Variants in TAS2R1 observed in about 807,000 individuals in gnomAD.
TAS2R1 encodes the protein taste receptor type 2 member 1.
For missense variants in TAS2R1, 370 were observed against 353.4 expected (o/e 1.05, Z -0.38); for synonymous variants, 141 against 134.2 (o/e 1.05, Z -0.35).
chr5:9,810,392 G>A, the TAS2R1 span, among the ~76,000 whole-genome samples: 2 of 152,164 alleles, frequency 1.3e-5, no homozygotes, highest in South Asian at 2.1e-4. Flanking sequence ...CCACGCTTGG[G>A]ATTTTCTCCA....
At chr5:9,834,202 G>A in the TAS2R1 span, among the ~76,000 whole-genome samples, 15 of 152,216 alleles carry the variant, frequency 9.9e-5, no homozygotes, top group African/African-American at 1.9e-4. Context: ...GGAGCTGGGC[G>A]CACTGACTTG....
chr5:9,872,723 A>C, the TAS2R1 span, among the ~76,000 whole-genome samples: 1 of 152,224 alleles, frequency 6.6e-6, no homozygotes, highest in Non-Finnish European at 1.5e-5. Flanking sequence ...CTTTAGGTAG[A>C]TTAATAGTTT....
the TAS2R1 span, among the ~76,000 whole-genome samples, chr5:9,818,862 A>G: frequency 6.6e-6 from 1 of 152,342 alleles, no homozygotes; most frequent in East Asian, 1.9e-4. Context: ...ACCGCCACAC[A>G]GCCCCAACAA....
chr5:9,635,858 T>C (rs1739954198), intron 2 of TAS2R1, among the ~76,000 whole-genome samples: 1 of 152,118 alleles, frequency 6.6e-6, no homozygotes, highest in South Asian at 2.1e-4. Context: ...TAATGGTCTA[T>C]CAATTTTGTT....
intron 2 of TAS2R1, chr5:9,641,404 T>G (rs1740082423): frequency 6.6e-6 from 1 of 152,184 alleles, no homozygotes; most frequent in African/African-American, 2.4e-5. Flanking sequence ...GTGCTACATT[T>G]TTTTCATTAC....
the TAS2R1 span, among the ~76,000 whole-genome samples, chr5:9,781,154 T>G: frequency 6.6e-6 from 1 of 152,284 alleles, no homozygotes. Flanking sequence ...CAAATTGTTT[T>G]GTGTATCCAC....
the TAS2R1 span, among the ~76,000 whole-genome samples, chr5:9,745,214 G>A: frequency 6.6e-6 from 1 of 152,160 alleles, no homozygotes; most frequent in Non-Finnish European, 1.5e-5. Flanking sequence ...AATATTGACA[G>A]GAGTTGGCAA....
chr5:9,884,694 A>C, the TAS2R1 span, among the ~76,000 whole-genome samples: 1 of 152,186 alleles, frequency 6.6e-6, no homozygotes, highest in Non-Finnish European at 1.5e-5. Flanking sequence ...AACCATTATT[A>C]TGCTGTCAGA....
chr5:9,838,486 C>T, the TAS2R1 span, among the ~76,000 whole-genome samples: 10,245 of 152,170 alleles, frequency 0.067, 813 homozygotes, highest in East Asian at 0.23. Context: ...CCCTGATATG[C>T]GAAGAAAAAG....
intron 1 of TAS2R1, among the ~76,000 whole-genome samples, chr5:9,681,963 T>C (rs1416767710): frequency 6.6e-6 from 1 of 152,208 alleles, no homozygotes. Flanking sequence ...CATGGTTCTC[T>C]GGTTGTTTTA....
chr5:9,683,117 A>G (rs895606414), intron 1 of TAS2R1, among the ~76,000 whole-genome samples: 2 of 152,266 alleles, frequency 1.3e-5, no homozygotes, highest in African/African-American at 4.8e-5. Context: ...ATTGAATACT[A>G]CAAAACTTGT....
intron 2 of TAS2R1, among the ~76,000 whole-genome samples, chr5:9,637,643 C>A (rs959765244): frequency 6.6e-6 from 1 of 151,878 alleles, no homozygotes; most frequent in Non-Finnish European, 1.5e-5. Flanking sequence ...TTTTTCTTTG[C>A]CTTTTTCTGA....
chr5:9,685,428 A>G (rs1229219129), intron 1 of TAS2R1, among the ~76,000 whole-genome samples: 3 of 152,178 alleles, frequency 2.0e-5, no homozygotes, highest in Non-Finnish European at 4.4e-5. Context: ...TTATAATAAC[A>G]ATTATATACT....
intron 1 of TAS2R1, among the ~76,000 whole-genome samples, chr5:9,674,170 A>G (rs921169867): frequency 1.3e-5 from 2 of 152,148 alleles, no homozygotes; most frequent in South Asian, 4.2e-4. Flanking sequence ...AGACCCAATA[A>G]CTGTATTTTA....
chr5:9,757,016 T>C, the TAS2R1 span, among the ~76,000 whole-genome samples: 11 of 152,220 alleles, frequency 7.2e-5, no homozygotes, highest in Non-Finnish European at 1.5e-4. Flanking sequence ...AAAATGGTTC[T>C]GGTAGGCACA....
the TAS2R1 span, among the ~76,000 whole-genome samples, chr5:9,823,783 G>C: frequency 6.6e-6 from 1 of 152,178 alleles, no homozygotes; most frequent in Non-Finnish European, 1.5e-5. Context: ...TTTGGGTACA[G>C]TTTCAACCCA....
intron 2 of TAS2R1, among the ~76,000 whole-genome samples, chr5:9,649,489 T>C (rs1224332548): frequency 6.6e-6 from 1 of 152,190 alleles, no homozygotes; most frequent in African/African-American, 2.4e-5. Flanking sequence ...CTTTTCAAAA[T>C]ACTCCTGAGC....
At chr5:9,875,898 G>T in the TAS2R1 span, among the ~76,000 whole-genome samples, 3 of 152,170 alleles carry the variant, frequency 2.0e-5, no homozygotes, top group East Asian at 5.8e-4. Context: ...AATCTCTTAG[G>T]TGCTTTCTCA....
the TAS2R1 span, among the ~76,000 whole-genome samples, chr5:9,878,799 T>C: frequency 3.0e-4 from 46 of 152,332 alleles, no homozygotes; most frequent in African/African-American, 1.1e-3. Context: ...GTGGATGTTG[T>C]AGGAACTGTG....
Sources: gnomAD v4.1 joint callset for allele counts (sites outside exome capture counted in the v4.1 genomes callset) on GRCh38, gnomAD v4.1.1 for gene constraint, MANE v1.5 for transcripts, NCBI Gene and HGNC (gene_info 2026-07-23, HGNC 2026-07-21) for gene names.